Variants in CEP85 observed in about 807,000 individuals in gnomAD.
CEP85 encodes centrosomal protein 85.
CEP85 carries 58 observed loss-of-function variants against 93.7 expected under a neutral mutation model. The ratio of observed to expected loss-of-function variants is 0.62; its 90% CI spans 0.50 to 0.77. The LOEUF (loss-of-function observed/expected upper bound fraction) is 0.77. Among genes scored for constraint, CEP85 ranks in the 30% least tolerant of loss-of-function variants. The pLI is 0.00. For synonymous variants in CEP85, 314 were observed against 338.6 expected (o/e 0.93, Z 0.80); for missense variants, 868 against 922.0 (o/e 0.94, Z 0.76).
chr1:26,275,196 G>A (rs2090036225), intron 12 of CEP85, 125 bp downstream of exon 12: 1 of 658,688 alleles, frequency 1.5e-6, no homozygotes, highest in South Asian at 1.9e-5. Flanking sequence ...ACTGAGCTCT[G>A]GGGGCAGAGG....
chr1:26,251,720 C>CT (rs2089618894), intron 3 of CEP85, among the ~76,000 whole-genome samples: 1 of 152,162 alleles, frequency 6.6e-6, no homozygotes, highest in Admixed American at 6.5e-5. Context: ...GGGACAGACA[C>CT]TTTCAAACCA....
chr1:26,265,375 T>C (rs930392453), intron 7 of CEP85, among the ~76,000 whole-genome samples: 21 of 150,800 alleles, frequency 1.4e-4, no homozygotes, highest in African/African-American at 4.9e-4. Context: ...CACCTCAGCC[T>C]CCCAAAGTAC....
intron 4 of CEP85, among the ~76,000 whole-genome samples, chr1:26,256,928 GGT>G (rs71004573): frequency 1.2e-4 from 13 of 111,490 alleles, no homozygotes; most frequent in East Asian, 7.1e-4. Context: ...GTTTTGTTTT[GGT>G]GTGTGTGTGT....
chr1:26,275,349 C>T (rs1570052720), intron 12 of CEP85, among the ~76,000 whole-genome samples: 2 of 150,818 alleles, frequency 1.3e-5, no homozygotes, highest in Admixed American at 1.3e-4. Context: ...GGCGCAATCT[C>T]GGCTCACTGC....
chr1:26,250,904 C>G (rs1227339073), intron 3 of CEP85, among the ~76,000 whole-genome samples: 2 of 147,330 alleles, frequency 1.4e-5, no homozygotes, highest in African/African-American at 5.0e-5. Flanking sequence ...CTAGAGTGAG[C>G]CAAGCTTGCC....
At chr1:26,243,520 G>A (rs186639025) in intron 2 of CEP85, among the ~76,000 whole-genome samples, 6 of 152,244 alleles carry the variant, frequency 3.9e-5, no homozygotes, top group Admixed American at 1.3e-4. Flanking sequence ...TAAAATAGGG[G>A]TGGTAATACT....
At chr1:26,264,253 CT>C (rs1198707141) in intron 7 of CEP85, among the ~76,000 whole-genome samples, 1 of 152,170 alleles carries the variant, frequency 6.6e-6, no homozygotes, top group African/African-American at 2.4e-5. Flanking sequence ...AGGTAGCAGG[CT>C]GGGCGCGGTG....
intron 2 of CEP85, among the ~76,000 whole-genome samples, chr1:26,240,722 C>T (rs1475779802): frequency 2.0e-5 from 3 of 152,072 alleles, no homozygotes; most frequent in African/African-American, 7.2e-5. Context: ...TGGTAAAACT[C>T]CATGTCTACT....
chr1:26,258,377 G>A, intron 6 of CEP85, 117 bp downstream of exon 6: 3 of 712,550 alleles, frequency 4.2e-6, no homozygotes, highest in Non-Finnish European at 2.5e-6. Context: ...AAGTGTCCCT[G>A]CCCTCAAAGA....
At position 26,255,881 on chromosome 1, in the gene CEP85, T is replaced by C; in HGVS notation, c.903+16T>C. 6.3e-7 allele frequency: 1 copy of C among 1,577,078 alleles called. No homozygotes were observed. The highest frequency in any genetic ancestry group is 8.6e-7 in the Non-Finnish European group (1 of 1,158,748). ...GCAAATGCAGGTAGAGGTCTATCTT[T>C]CCTTGGATTTTCTAGGTTCTGTACA... On this transcript the variant is annotated intron_variant, in intron 4 of 13. Coordinates refer to ENST00000451429, the MANE Select transcript of CEP85 (RefSeq NM_001319944.2).
chr1:26,256,928 G>GTGTGT lies in CEP85; in HGVS notation c.904-669_904-668insTGTGT, dbSNP rs199539021. On this transcript the variant is annotated intron_variant, in intron 4 of 13. Transcript: ENST00000451429. The stretch of plus-strand genomic sequence containing the variant: ...TCCTTTTTTTGTTTTGTTTTGTTTT[G>GTGTGT]GTGTGTGTGTGTGTGTGTGTGTGTG... Among the ~76,000 whole-genome samples the GTGTGT allele has an allele frequency of 4.4e-3, 494 of 111,488 alleles. 5 individuals carry two copies. The highest frequency in any genetic ancestry group is 9.7e-3 in the Middle Eastern group (2 of 206). 73.1% of individuals were successfully genotyped at this position (111,488 alleles called of 152,430 possible). A position where few individuals can be genotyped will look rare whatever the true frequency, so the allele number is the denominator to read the frequency against.
chr1:26,245,809 T>C (rs1167449190), intron 3 of CEP85, among the ~76,000 whole-genome samples: 1 of 152,202 alleles, frequency 6.6e-6, no homozygotes, highest in Non-Finnish European at 1.5e-5. Context: ...GTCACAAAAC[T>C]TGTCACTTTG....
chr1:26,271,019 AAGATAAACAGTCTGTGG>A lies in CEP85; in HGVS notation c.1658_1674del (p.Asp553GlyfsTer86). 1 of 1,609,276 alleles carries A rather than the reference AAGATAAACAGTCTGTGG, an allele frequency of 6.2e-7. No homozygotes were observed. Among genetic ancestry groups the A allele is most frequent in the Non-Finnish European group, 8.5e-7 (1 of 1,175,790 alleles). On this transcript the variant is annotated frameshift_variant, in exon 10 of 14. Coordinates refer to ENST00000451429, the MANE Select transcript of CEP85 (RefSeq NM_001319944.2). LOFTEE classifies it high-confidence loss of function. ...AAGAGGCCACTGTCTTTCAGCCTGCAAGATAAACAGTCTGTGGAGGAGACCAGTGGAGAAGGTCCAGA... is the reference window on the plus strand; with the variant it reads ...AAGAGGCCACTGTCTTTCAGCCTGCAAGGAGACCAGTGGAGAAGGTCCAGA...
At chr1:26,250,897 G>C (rs2089596486) in intron 3 of CEP85, among the ~76,000 whole-genome samples, 1 of 145,854 alleles carries the variant, frequency 6.9e-6, no homozygotes. Flanking sequence ...GAGACCACTA[G>C]AGTGAGCCAA....
In CEP85 at chr1:26,258,139, G is replaced by A. The variant is rs776889397; in HGVS notation, c.1038-4G>A. On this transcript the variant is annotated splice_polypyrimidine_tract_variant and splice_region_variant and intron_variant, in intron 5 of 13. Transcript: ENST00000451429. Reference sequence around the variant, plus strand: ...CCCTGACCTGATTCTACCGGCTTGTGCAGGCAGAGGAAACACATCTCTCAG... The same window carrying A: ...CCCTGACCTGATTCTACCGGCTTGTACAGGCAGAGGAAACACATCTCTCAG... 41 of 1,611,086 alleles carry A rather than the reference G, an allele frequency of 2.5e-5. No individual in the cohort carries two copies. In the South Asian group the frequency reaches 4.4e-4, roughly 17 times the overall value.
At chr1:26,259,584 A>G (rs1174481242) in intron 6 of CEP85, 33 bp from the exon 7 acceptor site, 1 of 1,566,454 alleles carries the variant, frequency 6.4e-7, no homozygotes, top group Non-Finnish European at 8.7e-7. Context: ...ATAAGGGTAG[A>G]GAACAGTTAC....
At chr1:26,262,339 A>G (rs544727905) in intron 7 of CEP85, among the ~76,000 whole-genome samples, 49 of 152,028 alleles carry the variant, frequency 3.2e-4, no homozygotes, top group Middle Eastern at 3.4e-3. Context: ...TTAGCGGGGT[A>G]TGGTGGTGGG....
intron 2 of CEP85, 62 bp from the exon 3 acceptor site, chr1:26,244,104 A>C (rs1179242088): frequency 1.5e-5 from 23 of 1,505,248 alleles, no homozygotes; most frequent in East Asian, 2.3e-5. Flanking sequence ...TTTTTAAAAA[A>C]AGATCTGATG....
chr1:26,254,963 C>G lies in CEP85; in HGVS notation c.209-208C>G, dbSNP rs902037521. ...AAGTTAAAAGTGAAGTCATTATTGC[C>G]TTTTGTTAGTTTACCTTGTGAATGG... is the stretch of plus-strand genomic sequence containing the variant. On this transcript the variant is annotated intron_variant, in intron 3 of 13. Transcript: ENST00000451429. The G allele has an allele frequency of 9.9e-6, 6 of 608,640 alleles. No individual in the cohort carries two copies. In the African/African-American group the frequency reaches 1.1e-4, roughly 11 times the overall value. The allele number at this position is 608,640 out of a possible 1,614,324, so 37.7% of individuals were successfully genotyped here.
Sources: gnomAD v4.1 joint callset for allele counts (sites outside exome capture counted in the v4.1 genomes callset) on GRCh38, gnomAD v4.1.1 for gene constraint, MANE v1.5 for transcripts, NCBI Gene and HGNC (gene_info 2026-07-23, HGNC 2026-07-21) for gene names.